The following TTC17 variants were observed in gnomAD, a reference collection of about 807,000 sequenced individuals.
TTC17 encodes tetratricopeptide repeat protein 17.
A neutral mutation model predicts 143.8 loss-of-function variants in TTC17; 58 were observed. That is an observed-to-expected ratio of 0.40 (90% CI 0.33 to 0.50). The LOEUF (loss-of-function observed/expected upper bound fraction) is 0.50. TTC17 is among the 20% of genes least tolerant of loss of function. The pLI, the probability that TTC17 is intolerant of heterozygous loss-of-function variation, is 0.49. For synonymous variants in TTC17, 501 were observed against 497.8 expected, an observed-to-expected ratio of 1.01 and a Z score of -0.09; for missense variants, 1,273 against 1,392.5, an observed-to-expected ratio of 0.91 and a Z score of 1.37.
At chr11:43,438,478 G>A (rs1386160287) in intron 16 of TTC17, among the ~76,000 whole-genome samples, 2 of 152,166 alleles carry the variant, frequency 1.3e-5, no homozygotes, top group African/African-American at 4.8e-5. Context: ...AATCAAGTTT[G>A]TCTAATTCCT....
chr11:43,487,241 G>A (rs1441768263), intron 21 of TTC17, among the ~76,000 whole-genome samples: 1 of 152,076 alleles, frequency 6.6e-6, no homozygotes, highest in African/African-American at 2.4e-5. Flanking sequence ...CTCCTCCCGG[G>A]TTCAAGTGAT....
In TTC17 at chr11:43,362,061, A is replaced by G. The variant is rs189227929; in HGVS notation, c.159+2948A>G. ...AATGGCGCTATCTTGGCTCACCACA[A>G]CCTCCGCCTCCCGGGTTCAAGTGAT... On this transcript the variant is annotated intron_variant, in intron 1 of 23. Transcript: ENST00000039989. 3.1e-3 allele frequency among the ~76,000 whole-genome samples: 458 copies of G among 148,688 alleles called. 1 individual carries two copies. Among genetic ancestry groups the G allele is most frequent in the African/African-American group, 0.011 (421 of 39,866 alleles).
chr11:43,455,864 CAT>C (rs890994883), intron 21 of TTC17, among the ~76,000 whole-genome samples: 44 of 151,976 alleles, frequency 2.9e-4, no homozygotes, highest in African/African-American at 1.0e-3. Context: ...ACAAAGAAAA[CAT>C]ATCATTGTTC....
chr11:43,401,988 TAAATAAATA>T (rs1857879335), intron 10 of TTC17, among the ~76,000 whole-genome samples: 1 of 78,574 alleles, frequency 1.3e-5, no homozygotes, highest in Non-Finnish European at 2.2e-5. Flanking sequence ...AAAAAATAAA[TAAATAAATA>T]AATAAATAAA....
intron 5 of TTC17, among the ~76,000 whole-genome samples, chr11:43,394,526 T>G (rs1857507103): frequency 6.6e-6 from 1 of 151,926 alleles, no homozygotes; most frequent in Non-Finnish European, 1.5e-5. Context: ...ATTTAGGAGT[T>G]TAGAAGCAGA....
intron 15 of TTC17, among the ~76,000 whole-genome samples, 156 bp from the exon 16 acceptor site, chr11:43,414,434 A>G (rs373612131): frequency 1.2e-4 from 18 of 152,304 alleles, no homozygotes; most frequent in African/African-American, 3.4e-4. Flanking sequence ...CATGTATTAT[A>G]CAGTTTAGAA....
intron 2 of TTC17, among the ~76,000 whole-genome samples, chr11:43,379,730 G>A (rs1039233377): frequency 2.0e-5 from 3 of 152,068 alleles, no homozygotes; most frequent in Admixed American, 6.6e-5. Context: ...TTATTCTCAG[G>A]TAGTAAAAAC....
chr11:43,418,142 CTG>C (rs1208322656), intron 16 of TTC17, among the ~76,000 whole-genome samples: 1 of 152,164 alleles, frequency 6.6e-6, no homozygotes, highest in Non-Finnish European at 1.5e-5. Context: ...ATAGCTAAAA[CTG>C]TATTGATTAA....
rs76041361 is a variant in TTC17, at chr11:43,437,107, C to CT, written c.2252-6207dup. Among the ~76,000 whole-genome samples, 485 of 147,038 alleles carry CT rather than the reference C, an allele frequency of 3.3e-3. 2 individuals carry two copies. Among genetic ancestry groups the CT allele is most frequent in the African/African-American group, 9.8e-3 (395 of 40,364 alleles). ...TCTACAACTCCAGATCTTATTTCTA[C>CT]TTTTTTTTTTTAGCGTACTCTTTAT... On this transcript the variant is annotated intron_variant, in intron 16 of 23. Coordinates refer to ENST00000039989, the MANE Select transcript of TTC17 (RefSeq NM_018259.6).
intron 21 of TTC17, among the ~76,000 whole-genome samples, chr11:43,477,088 CAG>C (rs1260922564): frequency 2.6e-5 from 4 of 152,182 alleles, no homozygotes; most frequent in East Asian, 1.9e-4. Context: ...ATCTCTAGGA[CAG>C]GGGCAAAATG....
intron 10 of TTC17, among the ~76,000 whole-genome samples, chr11:43,401,884 G>A (rs530731974): frequency 8.6e-5 from 13 of 151,908 alleles, no homozygotes; most frequent in South Asian, 6.2e-4. Context: ...AGGCTGAGGC[G>A]GGAGAATCAT....
intron 15 of TTC17, among the ~76,000 whole-genome samples, chr11:43,409,432 T>C (rs1389100402): frequency 3.3e-5 from 5 of 152,202 alleles, no homozygotes. Context: ...TTGCCATGAA[T>C]AAGGTCTAAA....
intron 2 of TTC17, among the ~76,000 whole-genome samples, chr11:43,381,683 T>G (rs1353182598): frequency 6.6e-6 from 1 of 152,140 alleles, no homozygotes; most frequent in Non-Finnish European, 1.5e-5. Flanking sequence ...GGATAGGAAC[T>G]CGAAACCAAA....
intron 16 of TTC17, among the ~76,000 whole-genome samples, chr11:43,435,607 A>C (rs956472522): frequency 1.3e-5 from 2 of 152,248 alleles, no homozygotes; most frequent in African/African-American, 4.8e-5. Flanking sequence ...CCTGTTTTCC[A>C]AAAGAAACAT....
intron 1 of TTC17, among the ~76,000 whole-genome samples, chr11:43,366,755 T>C (rs1811592326): frequency 6.6e-6 from 1 of 152,086 alleles, no homozygotes; most frequent in South Asian, 2.1e-4. Context: ...ACCTGGCCCT[T>C]CCTCTCTAGC....
chr11:43,453,551 T>C (rs558936625), intron 21 of TTC17, among the ~76,000 whole-genome samples: 1 of 152,302 alleles, frequency 6.6e-6, no homozygotes, highest in South Asian at 2.1e-4. Flanking sequence ...CAAATTGCCA[T>C]TAACATGTAA....
chr11:43,447,912 C>G, intron 18 of TTC17, 90 bp from the exon 19 acceptor site: 1 of 1,506,472 alleles, frequency 6.6e-7, no homozygotes, highest in Non-Finnish European at 9.0e-7. Context: ...CCAAATACAC[C>G]AATCCAGGTG....
At chr11:43,403,888 G>A in intron 10 of TTC17, 110 bp from the exon 11 acceptor site, 1 of 910,060 alleles carries the variant, frequency 1.1e-6, no homozygotes, top group Non-Finnish European at 1.6e-6. Flanking sequence ...GCTACTTTCT[G>A]ATTTTCTACT....
intron 16 of TTC17, among the ~76,000 whole-genome samples, chr11:43,427,342 C>T (rs1947052246): frequency 6.6e-6 from 1 of 152,262 alleles, no homozygotes. Context: ...GAAGCAGACT[C>T]ACTGTAAGAG....
Sources: allele counts gnomAD v4.1 joint callset (sites outside exome capture counted in the v4.1 genomes callset), GRCh38; gene constraint gnomAD v4.1.1; transcripts MANE v1.5; gene names NCBI Gene and HGNC (gene_info 2026-07-23, HGNC 2026-07-21).